The following BMP6 variants were observed in gnomAD, a reference collection of about 807,000 sequenced individuals.
BMP6 encodes the protein bone morphogenetic protein 6.
A neutral mutation model predicts 54.1 loss-of-function variants in BMP6; 17 were observed. That is an observed-to-expected ratio of 0.31 (90% confidence interval 0.22 to 0.47). The LOEUF is 0.47. BMP6 is among the 20% of genes least tolerant of loss of function. BMP6 has a pLI of 1.00. For synonymous variants in BMP6, 328 were observed against 291.2 expected (o/e 1.13, Z -1.28); for missense variants, 720 against 690.4 (o/e 1.04, Z -0.48).
At chr6:7,766,245 C>T (rs1203215597) in intron 1 of BMP6, among the ~76,000 whole-genome samples, 1 of 152,100 alleles carries the variant, frequency 6.6e-6, no homozygotes, top group Non-Finnish European at 1.5e-5. Flanking sequence ...ATGTTGAGGA[C>T]TGTATCTTGT....
intron 1 of BMP6, among the ~76,000 whole-genome samples, chr6:7,760,287 A>T (rs746752604): frequency 9.2e-5 from 14 of 152,002 alleles, no homozygotes; most frequent in Non-Finnish European, 2.1e-4. Context: ...GAACTGTGAA[A>T]TTATAATTTA....
At chr6:7,785,981 A>G (rs1233456702) in intron 1 of BMP6, among the ~76,000 whole-genome samples, 1 of 152,266 alleles carries the variant, frequency 6.6e-6, no homozygotes, top group African/African-American at 2.4e-5. Flanking sequence ...AAATGAAGCC[A>G]GAGAAACTAT....
At chr6:7,794,271 G>A (rs1471563902) in intron 1 of BMP6, among the ~76,000 whole-genome samples, 1 of 152,158 alleles carries the variant, frequency 6.6e-6, no homozygotes, top group Non-Finnish European at 1.5e-5. Context: ...TTGTTCTGCT[G>A]TAAGGATTTC....
chr6:7,876,204 T>C (rs1759612847), intron 4 of BMP6, among the ~76,000 whole-genome samples: 1 of 152,212 alleles, frequency 6.6e-6, no homozygotes, highest in Non-Finnish European at 1.5e-5. Flanking sequence ...TATTATTTAA[T>C]TTTTTAATGT....
At chr6:7,757,881 C>T (rs1757550089) in intron 1 of BMP6, among the ~76,000 whole-genome samples, 3 of 152,210 alleles carry the variant, frequency 2.0e-5, no homozygotes. Flanking sequence ...AAAATTCCAT[C>T]TTGTGTGCCA....
chr6:7,750,313 G>A, intron 1 of BMP6, among the ~76,000 whole-genome samples: 1 of 152,198 alleles, frequency 6.6e-6, no homozygotes, highest in East Asian at 1.9e-4. Flanking sequence ...AGGCTGACGT[G>A]TAGATACATG....
intron 1 of BMP6, among the ~76,000 whole-genome samples, chr6:7,735,541 C>T (rs748370080): frequency 1.3e-5 from 2 of 152,178 alleles, no homozygotes; most frequent in East Asian, 1.9e-4. Context: ...ACTCCCATAT[C>T]GGAATAAGTT....
chr6:7,821,726 T>C (rs887433036), intron 1 of BMP6, among the ~76,000 whole-genome samples: 5 of 152,282 alleles, frequency 3.3e-5, no homozygotes, highest in African/African-American at 1.2e-4. Flanking sequence ...GTGGTGATTA[T>C]AAAGATGCAG....
intron 1 of BMP6, among the ~76,000 whole-genome samples, chr6:7,746,436 A>G (rs1190155907): frequency 6.6e-6 from 1 of 152,194 alleles, no homozygotes; most frequent in Non-Finnish European, 1.5e-5. Context: ...GCAATTGTCT[A>G]GGTAACATCC....
At chr6:7,785,353 C>A (rs553589165) in intron 1 of BMP6, among the ~76,000 whole-genome samples, 1 of 152,254 alleles carries the variant, frequency 6.6e-6, no homozygotes, top group Non-Finnish European at 1.5e-5. Context: ...TTTCATGTGT[C>A]ATAACTGAGT....
At chr6:7,828,122 A>C (rs1028346107) in intron 1 of BMP6, among the ~76,000 whole-genome samples, 2 of 152,196 alleles carry the variant, frequency 1.3e-5, no homozygotes, top group African/African-American at 4.8e-5. Flanking sequence ...ATTTTTTGTT[A>C]GCTTGCTTGT....
chr6:7,828,650 T>C (rs1758740577), intron 1 of BMP6, among the ~76,000 whole-genome samples: 1 of 152,226 alleles, frequency 6.6e-6, no homozygotes, highest in Non-Finnish European at 1.5e-5. Flanking sequence ...ACTGGACACC[T>C]GCTATGTGCA....
intron 1 of BMP6, among the ~76,000 whole-genome samples, chr6:7,818,501 A>G (rs1006725380): frequency 4.6e-5 from 7 of 152,238 alleles, no homozygotes; most frequent in Non-Finnish European, 7.3e-5. Context: ...TGACATCTTT[A>G]TATAAGTTGC....
intron 2 of BMP6, among the ~76,000 whole-genome samples, chr6:7,853,648 C>A (rs192194671): frequency 6.6e-6 from 1 of 152,196 alleles, no homozygotes; most frequent in Admixed American, 6.5e-5. Context: ...CTGTGCCCAG[C>A]CACACCTTTT....
At chr6:7,808,199 C>T (rs745619881) in intron 1 of BMP6, among the ~76,000 whole-genome samples, 4 of 152,200 alleles carry the variant, frequency 2.6e-5, no homozygotes, top group East Asian at 1.9e-4. Flanking sequence ...GGATTACAGG[C>T]GTGAGCCACC....
rs141712128 is a variant in BMP6 at position 7,822,568 on chromosome 6, G to A, written c.665-22572G>A. 3.1e-3 allele frequency among the ~76,000 whole-genome samples: 475 copies of A among 152,246 alleles called. 1 individual carries two copies. Among genetic ancestry groups the A allele is most frequent in the Middle Eastern group, 0.017 (5 of 294 alleles). On this transcript the variant is annotated intron_variant, in intron 1 of 6. Transcript: ENST00000283147. ...TGTGGGTTTTATTTCTATCCTGGGAGCGTGTGTACAAATACCTTCTTCCCC... is the reference window on the plus strand; with the variant it reads ...TGTGGGTTTTATTTCTATCCTGGGAACGTGTGTACAAATACCTTCTTCCCC...
chr6:7,727,606 C>A lies in BMP6; in HGVS notation c.651C>A (p.Ser217Arg). ...AFLNDADMVM[S>R]FVNLVEYDKE... ...TCAACGACGCGGACATGGTCATGAG[C>A]TTTGTGAACCTGGGTAAGGATTTGG... Residue 217 changes from serine to arginine, a missense_variant, in exon 1 of 7, where the codon AGC becomes AGA. Physicochemically the swap from Ser to Arg is moderately radical, Grantham distance 110 (BLOSUM62 -1). Around this residue, in one of 3 missense-constraint regions of BMP6, gnomAD observed 650 missense variants for 556.3 expected, o/e 1.17. Coordinates refer to ENST00000283147, the MANE Select transcript of BMP6 (RefSeq NM_001718.6). The A allele has an allele frequency of 1.3e-6, 2 of 1,557,686 alleles. No individual in the cohort carries two copies. Among genetic ancestry groups the A allele is most frequent in the Non-Finnish European group, 8.6e-7 (1 of 1,160,960 alleles).
intron 5 of BMP6, among the ~76,000 whole-genome samples, chr6:7,879,496 G>C (rs573051892): frequency 6.6e-6 from 1 of 152,236 alleles, no homozygotes; most frequent in Admixed American, 6.5e-5. Flanking sequence ...GACAGGGTTG[G>C]AAAAAAATTA....
chr6:7,751,559 A>G (rs529038503), intron 1 of BMP6, among the ~76,000 whole-genome samples: 1 of 152,192 alleles, frequency 6.6e-6, no homozygotes, highest in African/African-American at 2.4e-5. Context: ...CTGCCTCGGC[A>G]TTCTCTATAA....
Sources: allele counts gnomAD v4.1 joint callset (sites outside exome capture counted in the v4.1 genomes callset), GRCh38; gene constraint gnomAD v4.1.1; regional missense constraint gnomAD v4.1.1; transcripts MANE v1.5; gene names NCBI Gene and HGNC (gene_info 2026-07-23, HGNC 2026-07-21).